The following COPG2 variants were observed in gnomAD, a reference collection of about 807,000 sequenced individuals.
COPG2 encodes the protein coatomer subunit gamma-2.
Under a neutral mutation model 46.3 loss-of-function variants are expected in COPG2, and 37 were observed. That is an observed-to-expected ratio of 0.80 (90% CI 0.61 to 1.05). The LOEUF (loss-of-function observed/expected upper bound fraction) is 1.05, where lower values mean the gene tolerates loss of function less well. Among genes scored for constraint, COPG2 ranks in the 50% least tolerant of loss-of-function variants. The pLI, the probability that COPG2 is intolerant of heterozygous loss-of-function variation, is 0.00. For missense variants in COPG2, 427 were observed against 387.8 expected (o/e 1.10, Z -0.85); for synonymous variants, 159 against 129.7 (o/e 1.23, Z -1.53).
At chr7:130,625,081 T>C (rs1217235974) in intron 5 of COPG2, among the ~76,000 whole-genome samples, 1 of 152,224 alleles carries the variant, frequency 6.6e-6, no homozygotes, top group African/African-American at 2.4e-5. Flanking sequence ...ATCTATTGTT[T>C]TTTGACTTTT....
intron 6 of COPG2, among the ~76,000 whole-genome samples, chr7:130,613,884 A>T (rs1794901445): frequency 6.6e-6 from 1 of 152,208 alleles, no homozygotes; most frequent in South Asian, 2.1e-4. Flanking sequence ...ACAATGAAAT[A>T]AACTGTCTCA....
intron 9 of COPG2, among the ~76,000 whole-genome samples, chr7:130,599,543 A>AC (rs1195107468): frequency 1.3e-5 from 2 of 150,074 alleles, no homozygotes; most frequent in East Asian, 2.0e-4. Context: ...GCAGCCCCAA[A>AC]CCCCCCTTGT....
chr7:130,571,047 A>G (rs1045003501), intron 9 of COPG2, among the ~76,000 whole-genome samples: 7 of 152,196 alleles, frequency 4.6e-5, no homozygotes, highest in Non-Finnish European at 7.4e-5. Context: ...ATAAAAATCA[A>G]CTCAAGATGG....
At chr7:130,613,755 G>A in intron 6 of COPG2, 119 bp from the exon 7 acceptor site, 1 of 688,028 alleles carries the variant, frequency 1.5e-6, no homozygotes. Flanking sequence ...CAAATATTCA[G>A]AATGCACTAA....
intron 15 of COPG2, among the ~76,000 whole-genome samples, chr7:130,551,702 G>A (rs1793536291): frequency 6.6e-6 from 1 of 152,160 alleles, no homozygotes; most frequent in African/African-American, 2.4e-5. Context: ...ACTCTCCAAG[G>A]ATACTGAAAA....
chr7:130,596,210 C>T (rs149239879), intron 9 of COPG2, among the ~76,000 whole-genome samples: 2,272 of 152,292 alleles, frequency 0.015, 59 homozygotes, highest in African/African-American at 0.052. Context: ...GGACCAGCTG[C>T]GCTAAGACAC....
intron 16 of COPG2, 47 bp downstream of exon 16, chr7:130,551,194 A>G: frequency 2.5e-6 from 1 of 398,306 alleles, no homozygotes; most frequent in Non-Finnish European, 4.4e-6. Context: ...TATGCTTCCA[A>G]GACACCATTT....
At chr7:130,668,514 G>A (rs1200499413) in intron 1 of COPG2, 118 bp downstream of exon 1, 115 of 866,056 alleles carry the variant, frequency 1.3e-4, no homozygotes, top group Admixed American at 3.1e-4. Context: ...CTCCAGCTCC[G>A]GCCCCCTGGC....
intron 21 of COPG2, 113 bp downstream of exon 21, chr7:130,508,449 A>G: frequency 1.6e-6 from 1 of 634,478 alleles, no homozygotes; most frequent in Admixed American, 2.6e-5. Flanking sequence ...TTTCAGAAGA[A>G]TAGAAATCCC....
intron 20 of COPG2, chr7:130,509,210 T>TA (rs1308242484): frequency 6.2e-6 from 3 of 481,160 alleles, no homozygotes; most frequent in Non-Finnish European, 8.3e-6. Context: ...AGGTCAGTAA[T>TA]GAGTTTCTAG....
intron 20 of COPG2, among the ~76,000 whole-genome samples, chr7:130,541,886 G>A (rs1253159837): frequency 7.2e-6 from 1 of 138,194 alleles, no homozygotes; most frequent in Non-Finnish European, 1.5e-5. Flanking sequence ...AGGTGGTGCT[G>A]AGAGAACGCA....
rs550998526 is a variant in COPG2, at chr7:130,578,231, G to C, written c.738-13838C>G. Among the ~76,000 whole-genome samples, 21 of 150,204 alleles carry C rather than the reference G, an allele frequency of 1.4e-4. No individual in the cohort carries two copies. The East Asian group carries it at 3.1e-3, about 22-fold the overall frequency. ...CCTAACTGGGAGGCACCCCCCAGCAGGGGCACACTGACACCTCACACAGCA... is the reference window on the plus strand; with the variant it reads ...CCTAACTGGGAGGCACCCCCCAGCACGGGCACACTGACACCTCACACAGCA... On this transcript the variant is annotated intron_variant, in intron 9 of 23. Coordinates refer to ENST00000425248, the MANE Select transcript of COPG2 (RefSeq NM_012133.6).
intron 4 of COPG2, among the ~76,000 whole-genome samples, chr7:130,661,435 C>G (rs1191707015): frequency 6.6e-6 from 1 of 152,216 alleles, no homozygotes; most frequent in African/African-American, 2.4e-5. Flanking sequence ...GCCTAGTTTT[C>G]TAGTCTAATT....
intron 5 of COPG2, among the ~76,000 whole-genome samples, chr7:130,617,521 G>T (rs1794969932): frequency 6.6e-6 from 1 of 152,162 alleles, no homozygotes; most frequent in Non-Finnish European, 1.5e-5. Context: ...TCTCTCTTTG[G>T]CATGGCTTTC....
chr7:130,667,393 T>G, intron 2 of COPG2, 89 bp downstream of exon 2: 1 of 1,008,284 alleles, frequency 9.9e-7, no homozygotes, highest in Non-Finnish European at 1.5e-6. Flanking sequence ...TTGTTTTGCA[T>G]GTCGTGATCA....
intron 9 of COPG2, among the ~76,000 whole-genome samples, chr7:130,593,353 T>C (rs1299367090): frequency 6.6e-6 from 1 of 152,214 alleles, no homozygotes; most frequent in Non-Finnish European, 1.5e-5. Flanking sequence ...ATTAATGGCC[T>C]TGGTGAGAAT....
chr7:130,583,588 T>A (rs1397933328), intron 9 of COPG2, among the ~76,000 whole-genome samples: 3 of 142,800 alleles, frequency 2.1e-5, no homozygotes, highest in Non-Finnish European at 4.5e-5. Context: ...GGGTGGATCA[T>A]GAGTTCAGGA....
intron 3 of COPG2, among the ~76,000 whole-genome samples, chr7:130,665,058 G>A (rs1187561765): frequency 2.8e-5 from 4 of 142,724 alleles, no homozygotes; most frequent in African/African-American, 9.8e-5. Context: ...GTGCATGCCT[G>A]TAATCCCAGC....
intron 20 of COPG2, among the ~76,000 whole-genome samples, chr7:130,533,131 G>C (rs955835053): frequency 6.6e-6 from 1 of 152,128 alleles, no homozygotes; most frequent in Non-Finnish European, 1.5e-5. Flanking sequence ...GAGCAGCTTA[G>C]AGAGGTGAGC....
Sources: gnomAD v4.1 joint callset for allele counts (sites outside exome capture counted in the v4.1 genomes callset) on GRCh38, gnomAD v4.1.1 for gene constraint, MANE v1.5 for transcripts, NCBI Gene and HGNC (gene_info 2026-07-23, HGNC 2026-07-21) for gene names.